The following CFAP299 variants were observed in gnomAD, a reference collection of about 807,000 sequenced individuals.
CFAP299 encodes cilia and flagella associated protein 299, also known as cilia- and flagella-associated protein 299.
In CFAP299, 21 loss-of-function variants were observed where a neutral mutation model predicts 27.0. That is an observed-to-expected ratio of 0.78 (90% CI 0.55 to 1.12). The LOEUF is 1.12. Ranked by LOEUF, CFAP299 falls within the 50% of genes most tolerant of loss-of-function variation. CFAP299 has a pLI of 0.00. For synonymous variants in CFAP299, 104 were observed against 98.1 expected (o/e 1.06, Z -0.36); for missense variants, 310 against 276.6 (o/e 1.12, Z -0.86).
chr4:80,871,676 A>G, intron 4 of CFAP299: 1 of 968,938 alleles, frequency 1.0e-6, no homozygotes, highest in South Asian at 4.8e-5. Context: ...GAATTCTATT[A>G]TCTTAGCAGC....
At chr4:80,509,717 T>C (rs1449519165) in intron 2 of CFAP299, among the ~76,000 whole-genome samples, 2 of 152,234 alleles carry the variant, frequency 1.3e-5, no homozygotes, top group Non-Finnish European at 2.9e-5. Context: ...TTTTAACTAA[T>C]CTACAACAGA....
In CFAP299 at chr4:80,725,991, T is replaced by C. The variant is rs970990364; in HGVS notation, c.333+142808T>C. Among the ~76,000 whole-genome samples the C allele has an allele frequency of 2.0e-5, 3 of 152,204 alleles. No homozygotes were observed. In the East Asian group the frequency reaches 5.8e-4, roughly 29 times the overall value. ...CATGCACCTGGTGCTTCTAATTTTCTTTCACCTCTGTAGAGGACATTTGGG... is the reference window on the plus strand; with the variant it reads ...CATGCACCTGGTGCTTCTAATTTTCCTTCACCTCTGTAGAGGACATTTGGG... On this transcript the variant is annotated intron_variant, in intron 3 of 5. Transcript: ENST00000358105.
At chr4:80,771,110 T>C (rs1483761058) in intron 3 of CFAP299, among the ~76,000 whole-genome samples, 1 of 152,130 alleles carries the variant, frequency 6.6e-6, no homozygotes, top group Admixed American at 6.6e-5. Flanking sequence ...GTGGGAGTCA[T>C]GCGGGCCGTT....
chr4:80,425,224 T>G (rs951034249), intron 2 of CFAP299, among the ~76,000 whole-genome samples: 2 of 152,172 alleles, frequency 1.3e-5, no homozygotes, highest in African/African-American at 4.8e-5. Flanking sequence ...TTGTTAATAA[T>G]TTTTTAACCT....
At chr4:80,653,168 A>G (rs1740393776) in intron 3 of CFAP299, among the ~76,000 whole-genome samples, 1 of 152,144 alleles carries the variant, frequency 6.6e-6, no homozygotes, top group African/African-American at 2.4e-5. Flanking sequence ...ATAAAACTGA[A>G]TGCATAGTTT....
intron 4 of CFAP299, among the ~76,000 whole-genome samples, chr4:80,941,658 TA>T (rs576057251): frequency 9.9e-5 from 15 of 151,210 alleles, no homozygotes; most frequent in African/African-American, 3.4e-4. Flanking sequence ...GTCATTTATT[TA>T]AAAAAACAAA....
At chr4:80,564,753 C>T (rs1735199268) in intron 2 of CFAP299, among the ~76,000 whole-genome samples, 1 of 151,716 alleles carries the variant, frequency 6.6e-6, no homozygotes, top group Non-Finnish European at 1.5e-5. Context: ...ATGATGTAAT[C>T]TTATATTGGA....
At chr4:80,351,932 A>G in intron 1 of CFAP299, among the ~76,000 whole-genome samples, 1 of 150,872 alleles carries the variant, frequency 6.6e-6, no homozygotes, top group South Asian at 2.1e-4. Context: ...TTTTATATTA[A>G]CATTAATAGA....
At chr4:80,895,193 C>CATACAA (rs974613975) in intron 4 of CFAP299, among the ~76,000 whole-genome samples, 1 of 151,370 alleles carries the variant, frequency 6.6e-6, no homozygotes, top group African/African-American at 2.4e-5. Flanking sequence ...CACACACACA[C>CATACAA]ACACACTAGT....
chr4:80,914,435 C>A (rs1056618654), intron 4 of CFAP299, among the ~76,000 whole-genome samples: 1 of 152,028 alleles, frequency 6.6e-6, no homozygotes, highest in African/African-American at 2.4e-5. Flanking sequence ...AATTTTTGTC[C>A]TGTGCATTGT....
intron 3 of CFAP299, among the ~76,000 whole-genome samples, chr4:80,603,416 GC>G (rs1372300440): frequency 6.6e-6 from 1 of 151,952 alleles, no homozygotes; most frequent in Non-Finnish European, 1.5e-5. Flanking sequence ...GTACATATAT[GC>G]CTACACATAT....
chr4:80,861,285 G>A (rs570528641), intron 3 of CFAP299, among the ~76,000 whole-genome samples: 7 of 152,154 alleles, frequency 4.6e-5, no homozygotes, highest in Non-Finnish European at 1.0e-4. Flanking sequence ...TCGGGTGGGA[G>A]TGACCCGATT....
At chr4:80,725,979 C>G (rs1484231478) in intron 3 of CFAP299, among the ~76,000 whole-genome samples, 1 of 152,174 alleles carries the variant, frequency 6.6e-6, no homozygotes, top group Non-Finnish European at 1.5e-5. Flanking sequence ...GCACCTGGTG[C>G]TTCTAATTTT....
intron 4 of CFAP299, among the ~76,000 whole-genome samples, chr4:80,941,325 A>G (rs1451876885): frequency 6.6e-6 from 1 of 152,194 alleles, no homozygotes; most frequent in Admixed American, 6.5e-5. Context: ...GAGAGAATTC[A>G]CACTACCAGA....
intron 4 of CFAP299, among the ~76,000 whole-genome samples, chr4:80,884,972 A>G (rs947935480): frequency 2.0e-5 from 3 of 152,230 alleles, no homozygotes; most frequent in Non-Finnish European, 4.4e-5. Context: ...TCAGAGAGAC[A>G]GTCTTAATTG....
intron 4 of CFAP299, among the ~76,000 whole-genome samples, chr4:80,898,661 A>C (rs1734732765): frequency 6.6e-6 from 1 of 151,926 alleles, no homozygotes; most frequent in Non-Finnish European, 1.5e-5. Context: ...ACATGGGAAA[A>C]CCCAGCTGTA....
At chr4:80,630,680 T>C (rs1350606490) in intron 3 of CFAP299, among the ~76,000 whole-genome samples, 1 of 152,070 alleles carries the variant, frequency 6.6e-6, no homozygotes, top group Non-Finnish European at 1.5e-5. Flanking sequence ...GTACAAGGGA[T>C]TAAAGTATTT....
At chr4:80,912,020 T>A (rs1735497681) in intron 4 of CFAP299, among the ~76,000 whole-genome samples, 1 of 152,152 alleles carries the variant, frequency 6.6e-6, no homozygotes, top group Non-Finnish European at 1.5e-5. Flanking sequence ...TAAATCACTA[T>A]TATTTAATAC....
At chr4:80,915,387 T>A (rs1735692539) in intron 4 of CFAP299, among the ~76,000 whole-genome samples, 1 of 152,036 alleles carries the variant, frequency 6.6e-6, no homozygotes, top group Admixed American at 6.6e-5. Context: ...GTGAATGTCC[T>A]TTTCTTTGTT....
Sources: gnomAD v4.1 joint callset for allele counts (sites outside exome capture counted in the v4.1 genomes callset) on GRCh38, gnomAD v4.1.1 for gene constraint, MANE v1.5 for transcripts, NCBI Gene and HGNC (gene_info 2026-07-23, HGNC 2026-07-21) for gene names.